LDLRAD4: variants seen among roughly 807,000 people sequenced by gnomAD.
LDLRAD4 encodes the protein low density lipoprotein receptor class A domain containing 4, also known as low-density lipoprotein receptor class A domain-containing protein 4.
A neutral mutation model predicts 17.0 loss-of-function variants in LDLRAD4; 5 were observed. The ratio of observed to expected loss-of-function variants is 0.29; its 90% CI spans 0.15 to 0.62. LDLRAD4 has a LOEUF of 0.62. Ranked by LOEUF, LDLRAD4 falls within the 20% of genes least tolerant of loss-of-function variation. The probability of loss-of-function intolerance (pLI) is 0.84; values close to 1 mark genes in which losing one functional copy is unlikely to be tolerated. For synonymous variants in LDLRAD4, 168 were observed against 171.8 expected (o/e 0.98, Z 0.17); for missense variants, 340 against 424.7 (o/e 0.80, Z 1.75).
intron 4 of LDLRAD4, among the ~76,000 whole-genome samples, chr18:13,623,360 T>C (rs2040830498): frequency 1.3e-5 from 2 of 152,236 alleles, no homozygotes; most frequent in South Asian, 4.1e-4. Context: ...CATCCCTGTC[T>C]GGGCCTCGTT....
intron 3 of LDLRAD4, among the ~76,000 whole-genome samples, chr18:13,479,985 A>G (rs1426186366): frequency 1.3e-5 from 2 of 152,372 alleles, no homozygotes; most frequent in Admixed American, 6.5e-5. Flanking sequence ...GGGGGCAGCC[A>G]CATTGGAAAC....
intron 1 of LDLRAD4, among the ~76,000 whole-genome samples, chr18:13,335,265 A>G (rs549190342): frequency 2.0e-5 from 3 of 152,336 alleles, no homozygotes; most frequent in South Asian, 2.1e-4. Flanking sequence ...TGTCGAGCAC[A>G]TGTTCTCTTC....
rs530001654 is a variant in LDLRAD4 at position 13,228,368 on chromosome 18, A to G, written c.-467+9380A>G. 3.3e-5 allele frequency among the ~76,000 whole-genome samples: 5 copies of G among 152,178 alleles called. No individual in the cohort carries two copies. The South Asian group carries it at 8.3e-4, about 25-fold the overall frequency. On this transcript the variant is annotated intron_variant, in intron 1 of 5. Coordinates refer to the LDLRAD4 transcript ENST00000399848. The stretch of plus-strand genomic sequence containing the variant: ...TGATGTCACTGTGAGGGTGCTTGCC[A>G]TTGACCCAGAGGGCTTTGGGTGCCT...
intron 3 of LDLRAD4, among the ~76,000 whole-genome samples, chr18:13,619,136 C>A (rs1449704860): frequency 1.3e-5 from 2 of 152,290 alleles, no homozygotes; most frequent in East Asian, 3.9e-4. Context: ...CACCTTGTAC[C>A]AGTTAAGCCA....
chr18:13,635,724 GC>G (rs1207311068), intron 4 of LDLRAD4, among the ~76,000 whole-genome samples: 4 of 152,206 alleles, frequency 2.6e-5, no homozygotes, highest in African/African-American at 9.7e-5. Context: ...GAACCGTTCT[GC>G]GTCCCTTTTC....
chr18:13,445,090 T>C (rs1196467861), intron 3 of LDLRAD4, among the ~76,000 whole-genome samples: 1 of 152,200 alleles, frequency 6.6e-6, no homozygotes, highest in African/African-American at 2.4e-5. Flanking sequence ...GTGTGACCAG[T>C]CAGGGCTTCC....
At chr18:13,447,958 T>C (rs1306638896) in intron 3 of LDLRAD4, among the ~76,000 whole-genome samples, 4 of 152,144 alleles carry the variant, frequency 2.6e-5, no homozygotes, top group Non-Finnish European at 5.9e-5. Flanking sequence ...ATCAACGTGA[T>C]CCTGCTTCCT....
At chr18:13,425,409 A>G (rs753515) in intron 2 of LDLRAD4, among the ~76,000 whole-genome samples, 1 of 152,154 alleles carries the variant, frequency 6.6e-6, no homozygotes, top group Non-Finnish European at 1.5e-5. Context: ...ATTTATGCCA[A>G]TTATTCTTGC....
At chr18:13,441,604 G>T (rs908766795) in intron 3 of LDLRAD4, among the ~76,000 whole-genome samples, 3 of 152,176 alleles carry the variant, frequency 2.0e-5, no homozygotes, top group Admixed American at 2.0e-4. Context: ...TTTCCTGGCC[G>T]TGCCGTTAGC....
intron 3 of LDLRAD4, among the ~76,000 whole-genome samples, chr18:13,584,592 G>A (rs2094910209): frequency 6.6e-6 from 1 of 152,212 alleles, no homozygotes; most frequent in African/African-American, 2.4e-5. Context: ...TGGCTCGGTG[G>A]AGGGATGGCT....
intron 1 of LDLRAD4, among the ~76,000 whole-genome samples, chr18:13,246,691 A>AT (rs2042973204): frequency 6.6e-6 from 1 of 152,166 alleles, no homozygotes; most frequent in Non-Finnish European, 1.5e-5. Flanking sequence ...GTCTTGGAAA[A>AT]TTGGCCTCCA....
intron 3 of LDLRAD4, chr18:13,490,655 T>C (rs1469627453): frequency 6.6e-6 from 1 of 152,226 alleles, no homozygotes; most frequent in East Asian, 1.9e-4. Flanking sequence ...TTTTTTTACC[T>C]CAATAAAATG....
At chr18:13,485,835 C>T (rs1439541326) in intron 3 of LDLRAD4, among the ~76,000 whole-genome samples, 5 of 152,128 alleles carry the variant, frequency 3.3e-5, no homozygotes, top group Admixed American at 2.0e-4. Flanking sequence ...GCCATGATCA[C>T]GCCACCACAC....
At chr18:13,285,920 A>G (rs2045595570) in intron 1 of LDLRAD4, among the ~76,000 whole-genome samples, 1 of 152,242 alleles carries the variant, frequency 6.6e-6, no homozygotes, top group Non-Finnish European at 1.5e-5. Flanking sequence ...GTTGCTGGAA[A>G]AAATGTAAAA....
intron 1 of LDLRAD4, among the ~76,000 whole-genome samples, chr18:13,250,175 T>C (rs1453413493): frequency 6.6e-6 from 1 of 152,236 alleles, no homozygotes; most frequent in Non-Finnish European, 1.5e-5. Flanking sequence ...CATTGATCTA[T>C]GTGTCTGTTT....
chr18:13,578,417 TC>T (rs2094805095), intron 3 of LDLRAD4, among the ~76,000 whole-genome samples: 1 of 152,218 alleles, frequency 6.6e-6, no homozygotes, highest in Non-Finnish European at 1.5e-5. Flanking sequence ...GTCTCCCACT[TC>T]CACCTGTGCC....
rs929729599 is a variant in LDLRAD4, at chr18:13,523,919, C to A, written c.181+85535C>A. ...TAGCATTCCTGGGTGAGGATCAGGC[C>A]ACAGTCCATGAGCCTCCCTGCCTTG... On this transcript the variant is annotated intron_variant, in intron 3 of 5. Coordinates refer to ENST00000359446, the Ensembl canonical transcript of LDLRAD4. Among the ~76,000 whole-genome samples, 6 of 152,200 alleles carry A rather than the reference C, an allele frequency of 3.9e-5. No homozygotes were observed. The East Asian group carries it at 1.2e-3, about 29-fold the overall frequency.
intron 1 of LDLRAD4, among the ~76,000 whole-genome samples, chr18:13,285,311 A>G (rs901915075): frequency 6.6e-6 from 1 of 152,190 alleles, no homozygotes; most frequent in African/African-American, 2.4e-5. Flanking sequence ...GCAGTGGAGC[A>G]CAAGGTGTGT....
chr18:13,511,224 C>A (rs540249483), intron 3 of LDLRAD4, among the ~76,000 whole-genome samples: 2 of 152,102 alleles, frequency 1.3e-5, no homozygotes, highest in African/African-American at 4.8e-5. Context: ...AAAGGGAAGG[C>A]AAAATGTGCT....
Sources: allele counts gnomAD v4.1 joint callset (sites outside exome capture counted in the v4.1 genomes callset), GRCh38; gene constraint gnomAD v4.1.1; transcripts MANE v1.5; gene names NCBI Gene and HGNC (gene_info 2026-07-23, HGNC 2026-07-21).